PREX2: variants seen among roughly 807,000 people sequenced by gnomAD.
PREX2 encodes the protein phosphatidylinositol-3,4,5-trisphosphate dependent Rac exchange factor 2, also known as phosphatidylinositol 3,4,5-trisphosphate-dependent Rac exchanger 2 protein.
In PREX2, 107 loss-of-function variants were observed where a neutral mutation model predicts 203.2. That is an observed-to-expected ratio of 0.53 (90% confidence interval 0.45 to 0.62). The LOEUF (loss-of-function observed/expected upper bound fraction) is 0.62. Among genes scored for constraint, PREX2 ranks in the 20% least tolerant of loss-of-function variants. The pLI is 0.00. For missense variants in PREX2, 1,777 were observed against 1,955.9 expected, an observed-to-expected ratio of 0.91 and a Z score of 1.72; for synonymous variants, 672 against 663.6, an observed-to-expected ratio of 1.01 and a Z score of -0.19.
intron 33 of PREX2, among the ~76,000 whole-genome samples, chr8:68,143,605 G>T (rs1305862545): frequency 6.6e-6 from 1 of 152,084 alleles, no homozygotes; most frequent in Non-Finnish European, 1.5e-5. Context: ...GTTTTTATCA[G>T]ATGTGTCTTT....
At chr8:68,196,484 T>G (rs1301592897) in intron 37 of PREX2, among the ~76,000 whole-genome samples, 1 of 148,640 alleles carries the variant, frequency 6.7e-6, no homozygotes, top group Non-Finnish European at 1.5e-5. Flanking sequence ...TGTACATATA[T>G]ATATATGTAC....
chr8:68,231,351 G>A lies in PREX2; in HGVS notation c.4794G>A (p.Glu1598=). The A allele has an allele frequency of 6.2e-7, 1 of 1,602,114 alleles. No individual in the cohort carries two copies. Among genetic ancestry groups the A allele is most frequent in the Non-Finnish European group, 8.5e-7 (1 of 1,175,136 alleles). The change falls in exon 40 of 40, where the codon GAG becomes GAA. Residue 1598 remains glutamate (E), a synonymous_variant. Transcript: ENST00000288368. ...QSAPRLYKLC[E]PPPPAGEE is the part of the protein sequence containing the mutation. ...TTTCTAGGCTGTACAAGCTGTGCGA[G>A]CCACCTCCCCCAGCTGGAGAAGAAT...
At chr8:68,000,963 A>C (rs190542855) in intron 1 of PREX2, among the ~76,000 whole-genome samples, 3 of 152,366 alleles carry the variant, frequency 2.0e-5, no homozygotes, top group Non-Finnish European at 4.4e-5. Context: ...GATAGATAAA[A>C]GGCTTAAATG....
intron 1 of PREX2, among the ~76,000 whole-genome samples, chr8:68,013,023 G>A (rs139442074): frequency 2.6e-5 from 4 of 152,330 alleles, no homozygotes; most frequent in Non-Finnish European, 5.9e-5. Flanking sequence ...TTAATGCAGT[G>A]CAGTCTGGTG....
intron 37 of PREX2, among the ~76,000 whole-genome samples, chr8:68,201,008 GATAA>G (rs35061548): frequency 0.019 from 2,887 of 152,146 alleles, 43 homozygotes; most frequent in Middle Eastern, 0.041. Context: ...TAGATATAGG[GATAA>G]ATACAGTATC....
chr8:68,031,487 G>A (rs1807880327), intron 6 of PREX2, among the ~76,000 whole-genome samples: 1 of 152,154 alleles, frequency 6.6e-6, no homozygotes, highest in Non-Finnish European at 1.5e-5. Flanking sequence ...TAAGGCTTTA[G>A]ATGAATTTGT....
chr8:68,091,759 C>G (rs1368657477), intron 20 of PREX2, among the ~76,000 whole-genome samples: 2 of 152,134 alleles, frequency 1.3e-5, no homozygotes, highest in African/African-American at 4.8e-5. Context: ...TTCTCTTCTA[C>G]CAGAATGTTA....
chr8:68,097,623 C>A (rs1196147879), intron 22 of PREX2, among the ~76,000 whole-genome samples: 1 of 152,160 alleles, frequency 6.6e-6, no homozygotes, highest in Non-Finnish European at 1.5e-5. Context: ...CTGTGCCCAG[C>A]CTCATTCAAT....
At chr8:68,017,368 G>GCTATCTAT (rs200096507) in intron 1 of PREX2, among the ~76,000 whole-genome samples, 51 of 152,118 alleles carry the variant, frequency 3.4e-4, no homozygotes, top group African/African-American at 1.2e-3. Context: ...GGCAGGGATA[G>GCTATCTAT]CTATCTATCT....
chr8:68,075,060 G>A (rs2571372), intron 14 of PREX2, among the ~76,000 whole-genome samples: 132,915 of 152,188 alleles, frequency 0.87, 58,380 homozygotes, highest in African/African-American at 0.97. Context: ...ATTCCTGTAC[G>A]TTGTGATTTG....
At chr8:68,209,630 G>A (rs11989932) in intron 37 of PREX2, among the ~76,000 whole-genome samples, 31,389 of 151,948 alleles carry the variant, frequency 0.21, 3,752 homozygotes, top group African/African-American at 0.33. Flanking sequence ...GGTAATGTAC[G>A]TGGAAGTCCA....
intron 35 of PREX2, among the ~76,000 whole-genome samples, chr8:68,160,423 A>G (rs1025467063): frequency 6.6e-6 from 1 of 152,100 alleles, no homozygotes; most frequent in East Asian, 1.9e-4. Context: ...CACTGATAAC[A>G]TATATCAAGG....
chr8:68,049,214 C>CA (rs1469586496), intron 8 of PREX2, among the ~76,000 whole-genome samples: 1 of 134,604 alleles, frequency 7.4e-6, no homozygotes, highest in Non-Finnish European at 1.6e-5. Flanking sequence ...AAGATTTATT[C>CA]AAAAAATTTT....
At chr8:68,201,306 A>T (rs1812496794) in intron 37 of PREX2, among the ~76,000 whole-genome samples, 1 of 152,106 alleles carries the variant, frequency 6.6e-6, no homozygotes, top group Non-Finnish European at 1.5e-5. Flanking sequence ...AGCAGGTAGT[A>T]TGGAGGGTGT....
At chr8:68,107,541 C>G (rs1181123002) in intron 23 of PREX2, among the ~76,000 whole-genome samples, 1 of 152,158 alleles carries the variant, frequency 6.6e-6, no homozygotes. Flanking sequence ...TCAGTTTGAT[C>G]CTGACTCAAT....
chr8:68,209,070 TAAA>T (rs994362514), intron 37 of PREX2, among the ~76,000 whole-genome samples: 2 of 115,082 alleles, frequency 1.7e-5, no homozygotes, highest in Non-Finnish European at 1.8e-5. Flanking sequence ...TGGACTCATT[TAAA>T]AAAAAAAAAA....
At position 68,080,544 on chromosome 8, in the gene PREX2, G is replaced by A. The variant is rs1161530101; in HGVS notation, c.1744G>A (p.Asp582Asn). ...TATGAAACATCGACTTATGAAACAT[G>A]ACTTAAAAGTTGTGGAAAATGTTAT... The part of the protein sequence containing the change: ...SNMKHRLMKH[D>N]LKVVENVIAK... Residue 582 changes from aspartate to asparagine, a missense_variant, in exon 16 of 40, where the codon GAC becomes AAC. Coordinates refer to ENST00000288368, the MANE Select transcript of PREX2 (RefSeq NM_024870.4). 1.9e-6 allele frequency: 3 copies of A among 1,609,766 alleles called. No homozygotes were observed. In the Admixed American group the frequency reaches 5.0e-5, roughly 27 times the overall value.
chr8:67,972,607 C>A (rs1054151071), intron 1 of PREX2, among the ~76,000 whole-genome samples: 1 of 152,146 alleles, frequency 6.6e-6, no homozygotes, highest in African/African-American at 2.4e-5. Context: ...CCTTCACTTC[C>A]CCGGCATTGT....
At chr8:68,044,139 CAAATG>C (rs1327611722) in intron 7 of PREX2, among the ~76,000 whole-genome samples, 9 of 152,022 alleles carry the variant, frequency 5.9e-5, no homozygotes, top group Admixed American at 6.6e-5. Context: ...GAAAGAAACT[CAAATG>C]AAATTTTAAA....
Sources: allele counts gnomAD v4.1 joint callset (sites outside exome capture counted in the v4.1 genomes callset), GRCh38; gene constraint gnomAD v4.1.1; transcripts MANE v1.5; gene names NCBI Gene and HGNC (gene_info 2026-07-23, HGNC 2026-07-21).